Variants in SH3D21 observed in about 807,000 individuals in gnomAD.
SH3D21 encodes SH3 domain-containing protein 21.
In SH3D21, 83 loss-of-function variants were observed where a neutral mutation model predicts 82.1. The ratio of observed to expected loss-of-function variants is 1.01; its 90% CI spans 0.85 to 1.21. The LOEUF (loss-of-function observed/expected upper bound fraction) is 1.21. Among genes scored for constraint, SH3D21 ranks in the 50% most tolerant of loss-of-function variants. The pLI is 0.00. For synonymous variants in SH3D21, 383 were observed against 387.8 expected, an observed-to-expected ratio of 0.99 and a Z score of 0.15; for missense variants, 980 against 962.1, an observed-to-expected ratio of 1.02 and a Z score of -0.25.
chr1:36,327,644 G>GA (rs1646558667), downstream of SH3D21: 1 of 1,190,382 alleles, frequency 8.4e-7, no homozygotes, highest in Admixed American at 3.6e-5. Context: ...AGTGGAGCAG[G>GA]ATGAGGGTTG....
Position 36,319,984 on chromosome 1 carries a change from G to A in SH3D21, c.1321G>A (p.Val441Met). 1 of 1,614,116 alleles carries A rather than the reference G, an allele frequency of 6.2e-7. No individual in the cohort carries two copies. The highest frequency in any genetic ancestry group is 8.5e-7 in the Non-Finnish European group (1 of 1,180,016). Residue 441 changes from valine (V) to methionine (M), a missense_variant, in exon 14 of 16, where the codon GTG (valine) becomes ATG (methionine). Coordinates refer to ENST00000453908, the MANE Select transcript of SH3D21 (RefSeq NM_001162530.2). ...NSIIPEETLT[V>M]DKPSTPERVF... The stretch of plus-strand genomic sequence containing the variant: ...CATCATCCCAGAGGAGACCCTGACT[G>A]TGGACAAACCCTCCACTCCAGAGAG...
At chr1:36,326,271 G>T (rs137904783), downstream of SH3D21, among the ~76,000 whole-genome samples, 738 of 143,648 alleles carry the variant, frequency 5.1e-3, 12 homozygotes, top group Admixed American at 0.023. Context: ...CACTCTTGTT[G>T]CCCAGGCTGG....
chr1:36,306,780 G>C lies in SH3D21; in HGVS notation c.162+25G>C, dbSNP rs760966979. Reference sequence around the variant, plus strand: ...GGTGAGGCCGAGCCAGGGGCGGGCTGTGGGGTCTCAGCGCGCGCCCCCCGG... The same window carrying C: ...GGTGAGGCCGAGCCAGGGGCGGGCTCTGGGGTCTCAGCGCGCGCCCCCCGG... On this transcript the variant is annotated intron_variant, in intron 2 of 15. Transcript: ENST00000453908. This position sits in a 1 kb window ranked among gnomAD's most constrained non-coding sequence, Gnocchi z 4.5. The C allele has an allele frequency of 2.4e-5, 31 of 1,291,368 alleles. No homozygotes were observed. Among genetic ancestry groups the C allele is most frequent in the African/African-American group, 3.1e-5 (2 of 64,806 alleles). The allele number at this position is 1,291,368 out of a possible 1,614,324, so 80.0% of individuals were successfully genotyped here. A position where few individuals can be genotyped will look rare whatever the true frequency, so the allele number is the denominator to read the frequency against.
Position 36,320,483 on chromosome 1 carries a change from A to T in SH3D21, c.1820A>T (p.Asn607Ile). The change falls in exon 14 of 16, where the codon AAC (asparagine) becomes ATC (isoleucine). Residue 607 changes from asparagine to isoleucine, a missense_variant. Asn to Ile is a moderately radical substitution (Grantham distance 149). Coordinates refer to ENST00000453908, the MANE Select transcript of SH3D21 (RefSeq NM_001162530.2). Reference sequence around the variant, plus strand: ...ACCCCTGAAGAGGAGGCGCCCCCCAACGAGCAGAGGCCTCTGAGAGAGGAG... The same window carrying T: ...ACCCCTGAAGAGGAGGCGCCCCCCATCGAGCAGAGGCCTCTGAGAGAGGAG... ...ERTPEEEAPP[N>I]EQRPLREEVL... is the part of the protein sequence containing the mutation. The T allele has an allele frequency of 1.2e-6, 2 of 1,613,786 alleles. No individual in the cohort carries two copies. The highest frequency in any genetic ancestry group is 2.7e-5 in the African/African-American group (2 of 74,986).
At chr1:36,321,591 CCT>C (rs1344811727), downstream of SH3D21, 1 of 883,706 alleles carries the variant, frequency 1.1e-6, no homozygotes, top group East Asian at 8.6e-5. This position sits in a 1 kb window ranked among gnomAD's most constrained non-coding sequence, Gnocchi z 6.1. Context: ...GGACTCCTGC[CCT>C]CTCGCTTGAA....
chr1:36,329,824 G>A (rs1570422485), downstream of SH3D21, among the ~76,000 whole-genome samples: 1 of 152,148 alleles, frequency 6.6e-6, no homozygotes, highest in Admixed American at 6.5e-5. Context: ...GAAATACCTG[G>A]GAGAAGAGCC....
chr1:36,323,763 C>G (rs1177131625), downstream of SH3D21: 4 of 151,994 alleles, frequency 2.6e-5, no homozygotes, highest in African/African-American at 7.3e-5. Flanking sequence ...CCGTCCGTCC[C>G]CCACAGGAAA....
chr1:36,313,135 T>C (rs1646273149), intron 10 of SH3D21, among the ~76,000 whole-genome samples: 1 of 151,872 alleles, frequency 6.6e-6, no homozygotes, highest in Non-Finnish European at 1.5e-5. Flanking sequence ...CCATCTTGGC[T>C]AACACGGTGA....
Position 36,311,699 on chromosome 1 carries a change from C to CT in SH3D21, c.769+2119dup, listed in dbSNP as rs895169568. 6.1e-3 allele frequency among the ~76,000 whole-genome samples: 896 copies of CT among 147,882 alleles called. 7 individuals carry two copies. Among genetic ancestry groups the CT allele is most frequent in the African/African-American group, 0.018 (739 of 40,496 alleles). ...GAGTTTTATACAATTTGGGGGGTTT[C>CT]TTTTTTTTTTGAGAAAGGGTCATTG... On this transcript the variant is annotated intron_variant, in intron 10 of 15. Transcript: ENST00000453908.
downstream of SH3D21, among the ~76,000 whole-genome samples, chr1:36,326,331 G>A (rs896814865): frequency 9.3e-5 from 14 of 151,164 alleles, no homozygotes; most frequent in African/African-American, 2.2e-4. Flanking sequence ...TCCCGGATTC[G>A]AGTGATTCTC....
At chr1:36,309,471 C>T (rs1289937309) in intron 9 of SH3D21, 77 bp from the exon 10 acceptor site, 3 of 1,506,288 alleles carry the variant, frequency 2.0e-6, no homozygotes, top group African/African-American at 1.4e-5. Flanking sequence ...TAGGTGTGAG[C>T]CACCACGCCT....
intron 10 of SH3D21, among the ~76,000 whole-genome samples, chr1:36,312,384 T>C (rs1218523392): frequency 6.6e-6 from 1 of 152,200 alleles, no homozygotes; most frequent in Non-Finnish European, 1.5e-5. Flanking sequence ...AGAGTTTTTA[T>C]TGTGTCTTTT....
intron 10 of SH3D21, among the ~76,000 whole-genome samples, chr1:36,315,916 T>G (rs1188200811): frequency 1.3e-5 from 2 of 152,270 alleles, no homozygotes; most frequent in African/African-American, 4.8e-5. Flanking sequence ...TTTTCAAGAA[T>G]GCTATTTTTC....
At chr1:36,314,135 C>T (rs931780504) in intron 10 of SH3D21, among the ~76,000 whole-genome samples, 5 of 150,830 alleles carry the variant, frequency 3.3e-5, no homozygotes, top group African/African-American at 1.2e-4. Context: ...GCCACCACAC[C>T]CAGCTAATTT....
chr1:36,321,110 C>T lies in SH3D21; in HGVS notation c.2254C>T (p.Gln752Ter). Residue 752 changes from glutamine to a stop codon, truncating the protein, a stop_gained, in exon 16 of 16, where the codon CAG (glutamine) becomes TAG (stop). Coordinates refer to ENST00000453908, the MANE Select transcript of SH3D21 (RefSeq NM_001162530.2). LOFTEE classifies it high-confidence loss of function. The surrounding 1 kb of genome is among the most constrained non-coding windows in gnomAD (Gnocchi z 6.1). ...KSQTPRVIHTQTQTY is the reference protein window; with the variant it reads ...KSQTPRVIHT ...CCAGACCCCGCGCGTCATCCACACG[C>T]AGACGCAGACCTACTGAGGGTGGGC... is the stretch of plus-strand genomic sequence containing the variant. The T allele has an allele frequency of 6.2e-7, 1 of 1,611,736 alleles. No homozygotes were observed. Among genetic ancestry groups the T allele is most frequent in the Non-Finnish European group, 8.5e-7 (1 of 1,179,268 alleles).
chr1:36,329,942 C>T (rs1156839092), downstream of SH3D21, among the ~76,000 whole-genome samples: 1 of 152,136 alleles, frequency 6.6e-6, no homozygotes, highest in African/African-American at 2.4e-5. Context: ...ACAGCTCCCC[C>T]AGGGCTAAAG....
At chr1:36,318,530 G>C (rs1646382179) in intron 10 of SH3D21, among the ~76,000 whole-genome samples, 1 of 152,106 alleles carries the variant, frequency 6.6e-6, no homozygotes, top group African/African-American at 2.4e-5. Flanking sequence ...CAGCACTTTG[G>C]GAGGCCTGAG....
In SH3D21 at chr1:36,307,174, T is replaced by C; in HGVS notation, c.234T>C (p.Pro78=). Reference sequence around the variant, plus strand: ...GCGCTTGTCCGGTGCTAGGTCATCCTGCCAAACACCCGAGGCCCCAAAGAT... The same window carrying C: ...GCGCTTGTCCGGTGCTAGGTCATCCCGCCAAACACCCGAGGCCCCAAAGAT... ...RPRCARRRGH[P]AKHPRPQRWC... is the part of the protein sequence containing the mutation. Residue 78 remains proline (P), a synonymous_variant, in exon 4 of 16, where the codon CCT becomes CCC. Transcript: ENST00000453908. The surrounding 1 kb of genome is among the most constrained non-coding windows in gnomAD (Gnocchi z 5.4). 1 of 1,551,674 alleles carries C rather than the reference T, an allele frequency of 6.4e-7. No homozygotes were observed. Among genetic ancestry groups the C allele is most frequent in the Non-Finnish European group, 8.7e-7 (1 of 1,146,954 alleles).
chr1:36,326,709 G>A (rs1028973120), downstream of SH3D21, among the ~76,000 whole-genome samples: 1 of 152,228 alleles, frequency 6.6e-6, no homozygotes, highest in Non-Finnish European at 1.5e-5. Flanking sequence ...GTCCAAGCCA[G>A]TGAGGGCGGG....
Sources: allele counts gnomAD v4.1 joint callset (sites outside exome capture counted in the v4.1 genomes callset), GRCh38; gene constraint gnomAD v4.1.1; non-coding constraint Gnocchi (gnomAD v3.1); transcripts MANE v1.5; gene names NCBI Gene and HGNC (gene_info 2026-07-23, HGNC 2026-07-21).